LSM14B: variants seen among roughly 807,000 people sequenced by gnomAD.
The protein encoded by LSM14B is protein LSM14 homolog B.
In LSM14B, 8 loss-of-function variants were observed where a neutral mutation model predicts 42.1. That is an observed-to-expected ratio of 0.19 (90% CI 0.11 to 0.34). The LOEUF (loss-of-function observed/expected upper bound fraction) is 0.34, where lower values mean the gene tolerates loss of function less well. LSM14B is among the 10% of genes least tolerant of loss of function. The pLI, the probability that LSM14B is intolerant of heterozygous loss-of-function variation, is 1.00. For synonymous variants in LSM14B, 219 were observed against 209.7 expected (o/e 1.04, Z -0.38); for missense variants, 396 against 513.1 (o/e 0.77, Z 2.21).
At position 62,135,001 on chromosome 20, in the gene LSM14B, AGCCAGTCTTTTCTGCAAG is replaced by A. The variant is rs2056866422; in HGVS notation, c.*855_*872del. 6.6e-6 allele frequency: 1 copy of A among 152,234 alleles called. No homozygotes were observed. Among genetic ancestry groups the A allele is most frequent in the Non-Finnish European group, 1.5e-5 (1 of 68,056 alleles). The allele number at this position is 152,234 out of a possible 1,614,324, so 9.4% of individuals were successfully genotyped here. ...TGGCGTTCTCATCCACTTGGAAACA[AGCCAGTCTTTTCTGCAAG>A]GTCAGTTGACCAAGAGCATATTTCC... On this transcript the variant is annotated 3_prime_UTR_variant, in exon 9 of 9. Transcript: ENST00000279068.
In LSM14B at chr20:62,131,396, G is replaced by C; in HGVS notation, c.876G>C (p.Val292=). 2 of 1,611,958 alleles carry C rather than the reference G, an allele frequency of 1.2e-6. No homozygotes were observed. Among genetic ancestry groups the C allele is most frequent in the South Asian group, 2.2e-5 (2 of 90,840 alleles). ...AGGGGGAAGAGAAGGACCTGGCTGT[G>C]GTGACCCAGAGTGCCGAAGCGCCCG... ...AEKGEEKDLA[V]VTQSAEAPAE... The change falls in exon 7 of 9, where the codon GTG becomes GTC. Residue 292 remains valine, a synonymous_variant. Transcript: ENST00000279068.
chr20:62,123,440 C>G (rs2056476176), intron 1 of LSM14B: 1 of 152,298 alleles, frequency 6.6e-6, no homozygotes, highest in Non-Finnish European at 1.5e-5. Flanking sequence ...CCTGACCTTC[C>G]CACTGTGGGG....
chr20:62,124,535 TGGAAGGCTTG>T, intron 1 of LSM14B, 72 bp from the exon 2 acceptor site: 1 of 1,483,764 alleles, frequency 6.7e-7, no homozygotes, highest in Non-Finnish European at 9.1e-7. Flanking sequence ...CGCCGTCTTT[TGGAAGGCTTG>T]GGAGCAGTGG....
In LSM14B at chr20:62,130,221, G is replaced by A. The variant is rs751307387; in HGVS notation, c.598G>A (p.Val200Ile). The A allele has an allele frequency of 3.7e-6, 6 of 1,600,014 alleles. No individual in the cohort carries two copies. The highest frequency in any genetic ancestry group is 3.3e-4 in the Middle Eastern group (2 of 6,072). The change falls in exon 5 of 9, where the codon GTA becomes ATA. Residue 200 changes from valine (V) to isoleucine (I), a missense_variant and splice_region_variant. Coordinates refer to ENST00000279068, the MANE Select transcript of LSM14B (RefSeq NM_144703.3). This position sits in a 1 kb window ranked among gnomAD's most constrained non-coding sequence, Gnocchi z 4.1. ...TACTCTTCCCTTTTGCGCCGTAGAT[G>A]TAGTCCAGCCGGCAGCTGTGCAAGC... ...AQPSSKTASD[V>I]VQPAAVQAQG...
In LSM14B at chr20:62,130,004, C is replaced by A; in HGVS notation, c.595+52C>A. 2.0e-6 allele frequency: 3 copies of A among 1,534,070 alleles called. No individual in the cohort carries two copies. Among genetic ancestry groups the A allele is most frequent in the Non-Finnish European group, 2.6e-6 (3 of 1,140,382 alleles). ...TTTGCTTGATGTTCTAAAAGTGGCA[C>A]ACTACTTCCTGGGCTATTTTTTTTT... On this transcript the variant is annotated intron_variant, in intron 4 of 8. Transcript: ENST00000279068. This position sits in a 1 kb window ranked among gnomAD's most constrained non-coding sequence, Gnocchi z 4.1.
At position 62,131,492 on chromosome 20, in the gene LSM14B, T is replaced by C. The variant is rs61739495; in HGVS notation, c.972T>C (p.Ser324=). 1,084 of 1,613,502 alleles carry C rather than the reference T, an allele frequency of 6.7e-4. 10 individuals carry two copies. The African/African-American group carries it at 0.013, about 19-fold the overall frequency. The change falls in exon 7 of 9, where the codon TCT becomes TCC. Residue 324 remains serine (S), a synonymous_variant. Transcript: ENST00000279068. The part of the protein sequence containing the change: ...KSKSFFDNIS[S]ELKTSSRRTT... ...AGTCGTTCTTCGACAACATCTCTTC[T>C]GAACTCAAGACCAGGTGAGAGGCTG...
rs1240230030 is a variant in LSM14B at position 62,122,643 on chromosome 20, G to T, written c.-24G>T. On this transcript the variant is annotated 5_prime_UTR_variant, in exon 1 of 9. Coordinates refer to ENST00000279068, the MANE Select transcript of LSM14B (RefSeq NM_144703.3). The surrounding 1 kb of genome is among the most constrained non-coding windows in gnomAD (Gnocchi z 4.6). ...GGCCCGGCGCTCCTTCCCCACCGCG[G>T]CCCGACGCACCCCGGCCGCCGCCAT... 20 of 1,354,770 alleles carry T rather than the reference G, an allele frequency of 1.5e-5. No homozygotes were observed. Among genetic ancestry groups the T allele is most frequent in the South Asian group, 5.7e-5 (4 of 70,198 alleles). 83.9% of individuals were successfully genotyped at this position (1,354,770 alleles called of 1,614,324 possible).
Position 62,130,553 on chromosome 20 carries a change from T to C in LSM14B, c.697T>C (p.Ser233Pro), listed in dbSNP as rs1218694698. 4.3e-6 allele frequency: 7 copies of C among 1,613,858 alleles called. No homozygotes were observed. Among genetic ancestry groups the C allele is most frequent in the Non-Finnish European group, 5.1e-6 (6 of 1,179,854 alleles). The change falls in exon 6 of 9, where the codon TCC (serine) becomes CCC (proline). Residue 233 changes from serine to proline, a missense_variant. By Grantham distance (74) the Ser-to-Pro change is moderately conservative. Coordinates refer to ENST00000279068, the MANE Select transcript of LSM14B (RefSeq NM_144703.3). The surrounding 1 kb of genome is among the most constrained non-coding windows in gnomAD (Gnocchi z 4.1). ...AGGAAACAGGCGAACAAGGAATCGC[T>C]CCAGAGGGCAAAACCGTCCAACTAA... ...RSGNRRTRNR[S>P]RGQNRPTNVK...
At position 62,134,143 on chromosome 20, in the gene LSM14B, C is replaced by A; in HGVS notation, c.*15-20C>A. 4.5e-6 allele frequency: 2 copies of A among 443,056 alleles called. No homozygotes were observed. Among genetic ancestry groups the A allele is most frequent in the Non-Finnish European group, 4.7e-6 (1 of 212,954 alleles). The allele number at this position is 443,056 out of a possible 1,614,324, so 27.4% of individuals were successfully genotyped here. A position where few individuals can be genotyped will look rare whatever the true frequency, so the allele number is the denominator to read the frequency against. The stretch of plus-strand genomic sequence containing the variant: ...CTAGCTTATCCCAGCAGATGCTTGA[C>A]TTCCTGTCATCTCTTGCAGGCTCCT... On this transcript the variant is annotated intron_variant, in intron 8 of 8. Coordinates refer to ENST00000279068, the MANE Select transcript of LSM14B (RefSeq NM_144703.3).
chr20:62,131,840 G>A (rs1352209675), intron 7 of LSM14B, among the ~76,000 whole-genome samples: 2 of 152,244 alleles, frequency 1.3e-5, no homozygotes, highest in Non-Finnish European at 2.9e-5. Flanking sequence ...TGGTCCCGCT[G>A]GCCTGGCAGC....
In LSM14B at chr20:62,133,372, A is replaced by G. The variant is rs1047960809; in HGVS notation, c.1069A>G (p.Ser357Gly). 1 of 1,613,024 alleles carries G rather than the reference A, an allele frequency of 6.2e-7. No individual in the cohort carries two copies. Among genetic ancestry groups the G allele is most frequent in the Admixed American group, 1.7e-5 (1 of 59,826 alleles). Residue 357 changes from serine to glycine, a missense_variant, in exon 8 of 9, where the codon AGT (serine) becomes GGT (glycine). Coordinates refer to ENST00000279068, the MANE Select transcript of LSM14B (RefSeq NM_144703.3). The part of the protein sequence containing the change: ...GVSGRFLRGR[S>G]SRGGFRGGRG... The stretch of plus-strand genomic sequence containing the variant: ...GTCAGGGAGGTTTCTTCGTGGCCGC[A>G]GTTCTCGGGGCGGATTCCGAGGAGG...
At position 62,130,125 on chromosome 20, in the gene LSM14B, C is replaced by T. The variant is rs960683974; in HGVS notation, c.596-94C>T. ...GCCTCCTGCGGTGCCGCCCTGGCCG[C>T]GTGCCCCATGGTGGTGGGGCCTGCT... On this transcript the variant is annotated intron_variant, in intron 4 of 8. Transcript: ENST00000279068. This position sits in a 1 kb window ranked among gnomAD's most constrained non-coding sequence, Gnocchi z 4.1. The T allele has an allele frequency of 3.2e-5, 48 of 1,503,396 alleles. No individual in the cohort carries two copies. The highest frequency in any genetic ancestry group is 4.2e-5 in the Non-Finnish European group (46 of 1,108,224). The allele number at this position is 1,503,396 out of a possible 1,614,324, so 93.1% of individuals were successfully genotyped here. A position where few individuals can be genotyped will look rare whatever the true frequency, so the allele number is the denominator to read the frequency against.
chr20:62,122,559 C>A lies in LSM14B; in HGVS notation c.-108C>A. On this transcript the variant is annotated 5_prime_UTR_variant, in exon 1 of 9. Transcript: ENST00000279068. The surrounding 1 kb of genome is among the most constrained non-coding windows in gnomAD (Gnocchi z 4.6). ...GGAGGCGCCCAGGCGGAGGCGGCGG[C>A]GGGCGGAGGAGCGCAGGAGCGGGCG... is the stretch of plus-strand genomic sequence containing the variant. 1 of 815,646 alleles carries A rather than the reference C, an allele frequency of 1.2e-6. No homozygotes were observed. The highest frequency in any genetic ancestry group is 1.5e-6 in the Non-Finnish European group (1 of 674,576). The allele number at this position is 815,646 out of a possible 1,614,324, so 50.5% of individuals were successfully genotyped here. A position where few individuals can be genotyped will look rare whatever the true frequency, so the allele number is the denominator to read the frequency against.
At chr20:62,129,071 C>T in intron 3 of LSM14B, 7 of 1,204,214 alleles carry the variant, frequency 5.8e-6, no homozygotes, top group South Asian at 1.3e-5. Context: ...ATTCAGAGGG[C>T]CTGGTTTCTG....
Position 62,126,386 on chromosome 20 carries a change from C to T in LSM14B, c.374C>T (p.Pro125Leu), listed in dbSNP as rs534181228. The T allele has an allele frequency of 3.7e-6, 6 of 1,612,052 alleles. No homozygotes were observed. Among genetic ancestry groups the T allele is most frequent in the Admixed American group, 1.7e-5 (1 of 59,968 alleles). The change falls in exon 3 of 9, where the codon CCG becomes CTG. Residue 125 changes from proline (P) to leucine (L), a missense_variant. Pro to Leu is a moderately conservative substitution (Grantham distance 98, BLOSUM62 -3). Transcript: ENST00000279068. ...TTCCGAGGGATGGCGCCCTACGGCC[C>T]GCTGGCGGCCAGCTCCCTGCTCAGC... ...SPFRGMAPYG[P>L]LAASSLLSQQ...
chr20:62,134,227 TA>T lies in LSM14B; in HGVS notation c.*80del, dbSNP rs1401074938. ...CAGGACGCGAGGAAAACGCTGCACTTACAGGGAGAGGTGGTCACTTTGTTTA... is the reference window on the plus strand; with the variant it reads ...CAGGACGCGAGGAAAACGCTGCACTTCAGGGAGAGGTGGTCACTTTGTTTA... On this transcript the variant is annotated 3_prime_UTR_variant, in exon 9 of 9. Coordinates refer to ENST00000279068, the MANE Select transcript of LSM14B (RefSeq NM_144703.3). 7.4e-5 allele frequency: 35 copies of T among 471,546 alleles called. No homozygotes were observed. In the East Asian group the frequency reaches 2.2e-3, roughly 30 times the overall value. 29.2% of individuals were successfully genotyped at this position (471,546 alleles called of 1,614,324 possible).
intron 3 of LSM14B, among the ~76,000 whole-genome samples, chr20:62,128,653 G>A (rs1023442772): frequency 1.1e-4 from 16 of 152,202 alleles, no homozygotes; most frequent in Admixed American, 7.2e-4. Flanking sequence ...ATGATCAGCA[G>A]GCAGGCAGTG....
Position 62,135,322 on chromosome 20 carries a change from T to A in LSM14B, c.*1174T>A, listed in dbSNP as rs1332494749. The stretch of plus-strand genomic sequence containing the variant: ...AATTAGAACATAGCAAGGGGGCTCC[T>A]CTGTTGGAGTAATGTAAATTGTAAT... On this transcript the variant is annotated 3_prime_UTR_variant, in exon 9 of 9. Transcript: ENST00000279068. 2 of 152,072 alleles carry A rather than the reference T, an allele frequency of 1.3e-5. No individual in the cohort carries two copies. Among genetic ancestry groups the A allele is most frequent in the Non-Finnish European group, 2.9e-5 (2 of 68,054 alleles). 9.4% of individuals were successfully genotyped at this position (152,072 alleles called of 1,614,324 possible). A position where few individuals can be genotyped will look rare whatever the true frequency, so the allele number is the denominator to read the frequency against.
At chr20:62,133,720 G>A (rs2145647933) in intron 8 of LSM14B, among the ~76,000 whole-genome samples, 1 of 152,360 alleles carries the variant, frequency 6.6e-6, no homozygotes, top group African/African-American at 2.4e-5. Flanking sequence ...AGGTATGGGA[G>A]GTGAGGTGGT....
Sources: gnomAD v4.1 joint callset for allele counts (sites outside exome capture counted in the v4.1 genomes callset) on GRCh38, gnomAD v4.1.1 for gene constraint, Gnocchi (gnomAD v3.1) non-coding constraint, MANE v1.5 for transcripts, NCBI Gene and HGNC (gene_info 2026-07-23, HGNC 2026-07-21) for gene names.